The following CDC42BPA variants were observed in gnomAD, a reference collection of about 807,000 sequenced individuals.
CDC42BPA encodes the protein CDC42 binding protein kinase alpha.
CDC42BPA carries 80 observed loss-of-function variants against 223.5 expected under a neutral mutation model. The ratio of observed to expected loss-of-function variants is 0.36; its 90% CI spans 0.30 to 0.43. The LOEUF is 0.43. Among genes scored for constraint, CDC42BPA ranks in the 20% least tolerant of loss-of-function variants. CDC42BPA has a pLI of 1.00. For synonymous variants in CDC42BPA, 694 were observed against 718.6 expected, an observed-to-expected ratio of 0.97 and a Z score of 0.55; for missense variants, 1,743 against 2,099.9, an observed-to-expected ratio of 0.83 and a Z score of 3.32.
At chr1:227,250,877 C>T (rs1292565339) in intron 2 of CDC42BPA, among the ~76,000 whole-genome samples, 2 of 151,928 alleles carry the variant, frequency 1.3e-5, no homozygotes, top group East Asian at 1.9e-4. Flanking sequence ...CGTAGGAAAA[C>T]CCCGTCACTA....
At chr1:227,176,164 GCTGGTCTCGAATTC>G (rs1293760500) in intron 5 of CDC42BPA, among the ~76,000 whole-genome samples, 1 of 152,060 alleles carries the variant, frequency 6.6e-6, no homozygotes, top group Admixed American at 6.5e-5. Context: ...TGTTAGCCAG[GCTGGTCTCGAATTC>G]CTGATCTTAA....
Position 227,213,143 on chromosome 1 carries a change from CT to C in CDC42BPA, c.346del (p.Arg116GlufsTer14). On this transcript the variant is annotated frameshift_variant, in exon 3 of 37. Transcript: ENST00000366766. LOFTEE classifies it high-confidence loss of function. ...KILNKWEMLK[R>X]AETACFREER... Reference sequence around the variant, plus strand: ...AATACATAAGACTCTTACCTCAGCTCTTTTCAGCATTTCCCATTTATTCAAT... The same window carrying C: ...AATACATAAGACTCTTACCTCAGCTCTTTCAGCATTTCCCATTTATTCAAT... 6.5e-7 allele frequency: 1 copy of C among 1,528,856 alleles called. No individual in the cohort carries two copies. Among genetic ancestry groups the C allele is most frequent in the Non-Finnish European group, 9.0e-7 (1 of 1,112,750 alleles). 94.7% of individuals were successfully genotyped at this position (1,528,856 alleles called of 1,614,324 possible). A position where few individuals can be genotyped will look rare whatever the true frequency, so the allele number is the denominator to read the frequency against.
At chr1:227,100,947 G>A in intron 15 of CDC42BPA, 45 bp downstream of exon 15, 1 of 1,187,960 alleles carries the variant, frequency 8.4e-7, no homozygotes, top group Non-Finnish European at 1.2e-6. Context: ...CACATAACAG[G>A]TACTCAGTAA....
chr1:227,181,784 T>C lies in CDC42BPA; in HGVS notation c.599+12002A>G, dbSNP rs1292773288. On this transcript the variant is annotated intron_variant, in intron 5 of 36. Transcript: ENST00000366766. ...TACAAAATTAAAATTGAGATGAACA[T>C]CTGTCCAACTTGGGCACAACTATGA... Among the ~76,000 whole-genome samples, 6 of 152,318 alleles carry C rather than the reference T, an allele frequency of 3.9e-5. No homozygotes were observed. In the South Asian group the frequency reaches 1.0e-3, roughly 26 times the overall value.
intron 2 of CDC42BPA, among the ~76,000 whole-genome samples, chr1:227,249,844 A>G (rs971595147): frequency 1.3e-5 from 2 of 152,104 alleles, no homozygotes; most frequent in Admixed American, 1.3e-4. Flanking sequence ...GGGATGATTA[A>G]TGAGTACAAA....
intron 28 of CDC42BPA, among the ~76,000 whole-genome samples, chr1:227,030,825 GAGTT>G (rs2148661557): frequency 6.6e-6 from 1 of 152,224 alleles, no homozygotes; most frequent in Non-Finnish European, 1.5e-5. Context: ...AGTAACAAAA[GAGTT>G]AGATGCATAC....
At chr1:227,017,467 T>C (rs1201115943) in intron 32 of CDC42BPA, among the ~76,000 whole-genome samples, 2 of 152,166 alleles carry the variant, frequency 1.3e-5, no homozygotes, top group African/African-American at 4.8e-5. Flanking sequence ...CAGGCATAAA[T>C]GGTAAGCCTG....
At chr1:227,265,076 T>C (rs1277512349) in intron 1 of CDC42BPA, 9 of 775,826 alleles carry the variant, frequency 1.2e-5, no homozygotes, top group East Asian at 2.4e-5. Flanking sequence ...CTGCATTGCA[T>C]TGTATCCAAG....
intron 1 of CDC42BPA, among the ~76,000 whole-genome samples, chr1:227,272,785 G>GT (rs1686172666): frequency 6.7e-6 from 1 of 148,304 alleles, no homozygotes; most frequent in African/African-American, 2.5e-5. Flanking sequence ...TAAACCAAGA[G>GT]TATAATGAAC....
chr1:227,051,794 G>A (rs1673570521), intron 22 of CDC42BPA, 87 bp downstream of exon 22: 1 of 677,524 alleles, frequency 1.5e-6, no homozygotes. Flanking sequence ...ATTTGGTTAA[G>A]AGGAGAGAGA....
In CDC42BPA at chr1:226,991,336, G is replaced by T. The variant is rs1045286; in HGVS notation, c.*2932C>A. The T allele has an allele frequency of 0.39, 58,692 of 152,012 alleles. 11,807 individuals carry two copies. The highest frequency in any genetic ancestry group is 0.46 in the Non-Finnish European group (31,298 of 67,932). The allele number at this position is 152,012 out of a possible 1,614,324, so 9.4% of individuals were successfully genotyped here. A position where few individuals can be genotyped will look rare whatever the true frequency, so the allele number is the denominator to read the frequency against. On this transcript the variant is annotated 3_prime_UTR_variant, in exon 37 of 37. Transcript: ENST00000366766. ...TAATAAAATACTTTATCTGTGAGCTGTGCTACTGACTCCTCTGAATGGTCA... is the reference window on the plus strand; with the variant it reads ...TAATAAAATACTTTATCTGTGAGCTTTGCTACTGACTCCTCTGAATGGTCA...
chr1:227,245,477 G>A (rs1225030080), intron 2 of CDC42BPA, among the ~76,000 whole-genome samples: 1 of 152,000 alleles, frequency 6.6e-6, no homozygotes, highest in Non-Finnish European at 1.5e-5. Flanking sequence ...TTGTAGTAGA[G>A]ACAGGGTTTC....
At chr1:227,187,677 C>T (rs1669025356) in intron 5 of CDC42BPA, among the ~76,000 whole-genome samples, 3 of 5,624 alleles carry the variant, frequency 5.3e-4, no homozygotes, top group African/African-American at 1.9e-3. Flanking sequence ...ATGGCACCCC[C>T]CACCCCCCCC....
rs141263647 is a variant in CDC42BPA, at chr1:227,170,121, C to A, written c.600-9485G>T. On this transcript the variant is annotated intron_variant, in intron 5 of 36. Coordinates refer to ENST00000366766, the MANE Select transcript of CDC42BPA (RefSeq NM_001394014.1). The stretch of plus-strand genomic sequence containing the variant: ...ACTCTTGTGACTGTCTCAATCAATA[C>A]AGTATGATAGAACTTAGGCTGGCTA... 2.9e-4 allele frequency among the ~76,000 whole-genome samples: 44 copies of A among 152,190 alleles called. 1 individual carries two copies. Among genetic ancestry groups the A allele is most frequent in the African/African-American group, 1.0e-3 (42 of 41,520 alleles).
At position 227,272,590 on chromosome 1, in the gene CDC42BPA, G is replaced by A. The variant is rs554558837; in HGVS notation, c.179-18435C>T. Among the ~76,000 whole-genome samples, 3 of 152,210 alleles carry A rather than the reference G, an allele frequency of 2.0e-5. No individual in the cohort carries two copies. In the East Asian group the frequency reaches 5.8e-4, roughly 29 times the overall value. ...AATAGAAAATTGGGCAAATGTGTAA[G>A]GTGTTTTTGATTTTAGATTTGGGAT... On this transcript the variant is annotated intron_variant, in intron 1 of 36. Transcript: ENST00000366766.
intron 5 of CDC42BPA, among the ~76,000 whole-genome samples, chr1:227,177,133 AAAAAT>A (rs200797258): frequency 0.063 from 4,776 of 75,374 alleles, 227 homozygotes; most frequent in African/African-American, 0.18. Context: ...GTAAGAAAAA[AAAAAT>A]ATATATATAT....
chr1:227,281,595 G>A lies in CDC42BPA; in HGVS notation c.179-27440C>T, dbSNP rs181068790. Among the ~76,000 whole-genome samples the A allele has an allele frequency of 5.3e-4, 81 of 152,294 alleles. No homozygotes were observed. In the East Asian group the frequency reaches 0.015, roughly 28 times the overall value. Reference sequence around the variant, plus strand: ...CAGTCTCCTGTGGCTGGTTCCCCATGCCTGTACTGAGCCAGAGGTAGTGGG... The same window carrying A: ...CAGTCTCCTGTGGCTGGTTCCCCATACCTGTACTGAGCCAGAGGTAGTGGG... On this transcript the variant is annotated intron_variant, in intron 1 of 36. Transcript: ENST00000366766.
intron 2 of CDC42BPA, among the ~76,000 whole-genome samples, chr1:227,237,830 C>T (rs1038013802): frequency 1.6e-4 from 24 of 151,670 alleles, no homozygotes; most frequent in Non-Finnish European, 3.1e-4. Context: ...CACCTGAGGT[C>T]GGAGTTAGAG....
chr1:227,226,503 G>A (rs1676890721), intron 2 of CDC42BPA, among the ~76,000 whole-genome samples: 1 of 152,110 alleles, frequency 6.6e-6, no homozygotes, highest in Non-Finnish European at 1.5e-5. Context: ...AGGATCTATG[G>A]TACAAGGAAT....
Sources: gnomAD v4.1 joint callset for allele counts (sites outside exome capture counted in the v4.1 genomes callset) on GRCh38, gnomAD v4.1.1 for gene constraint, MANE v1.5 for transcripts, NCBI Gene and HGNC (gene_info 2026-07-23, HGNC 2026-07-21) for gene names.